The following RIMKLB variants were observed in gnomAD, a reference collection of about 807,000 sequenced individuals.
The protein encoded by RIMKLB is beta-citrylglutamate synthase B.
A neutral mutation model predicts 32.0 loss-of-function variants in RIMKLB; 7 were observed. The observed-to-expected ratio is 0.22, with a 90% CI of 0.12 to 0.41. RIMKLB has a LOEUF of 0.41. RIMKLB is among the 10% of genes least tolerant of loss of function. The probability of loss-of-function intolerance (pLI) is 1.00; values close to 1 mark genes in which losing one functional copy is unlikely to be tolerated. For missense variants in RIMKLB, 289 were observed against 498.7 expected (o/e 0.58, Z 4.00); for synonymous variants, 172 against 185.1 (o/e 0.93, Z 0.57).
At chr12:8,781,865 A>G (rs1158303542), downstream of RIMKLB, among the ~76,000 whole-genome samples, 6 of 152,044 alleles carry the variant, frequency 3.9e-5, no homozygotes, top group Non-Finnish European at 8.8e-5. Context: ...TAGAATGTAA[A>G]TGTCAATTAA....
At chr12:8,756,684 C>CTTTTTTTTTTTTTTTTTT (rs145312687) in intron 5 of RIMKLB, among the ~76,000 whole-genome samples, 1 of 90,964 alleles carries the variant, frequency 1.1e-5, no homozygotes, top group Non-Finnish European at 2.0e-5. Flanking sequence ...TTACTTTCTA[C>CTTTTTTTTTTTTTTTTTT]TTTTTTTTTT....
the RIMKLB span, among the ~76,000 whole-genome samples, chr12:8,670,959 G>A: frequency 1.3e-5 from 2 of 152,178 alleles, no homozygotes; most frequent in Non-Finnish European, 1.5e-5. Context: ...TCCACCCTCC[G>A]AAGCCACAGC....
At chr12:8,768,367 C>T (rs962102927) in intron 5 of RIMKLB, among the ~76,000 whole-genome samples, 1 of 151,956 alleles carries the variant, frequency 6.6e-6, no homozygotes, top group Non-Finnish European at 1.5e-5. Flanking sequence ...AAGCTCAGCT[C>T]GAGCCGTAAC....
At chr12:8,725,917 G>A (rs1945945287) in intron 2 of RIMKLB, among the ~76,000 whole-genome samples, 1 of 152,170 alleles carries the variant, frequency 6.6e-6, no homozygotes, top group East Asian at 1.9e-4. Flanking sequence ...GTGCGATCTT[G>A]GTTCACTGCA....
Position 8,775,340 on chromosome 12 carries a change from A to G in RIMKLB, c.*1556A>G. 2 of 985,408 alleles carry G rather than the reference A, an allele frequency of 2.0e-6. No homozygotes were observed. Among genetic ancestry groups the G allele is most frequent in the Non-Finnish European group, 2.4e-6 (2 of 829,884 alleles). 61.0% of individuals were successfully genotyped at this position (985,408 alleles called of 1,614,324 possible). A position where few individuals can be genotyped will look rare whatever the true frequency, so the allele number is the denominator to read the frequency against. ...ATTCCTTTACTTGCAGAATTTATAA[A>G]AGCCCCCAAACTGCATATAATATGA... On this transcript the variant is annotated 3_prime_UTR_variant, in exon 6 of 6. Coordinates refer to ENST00000535829, the MANE Select transcript of RIMKLB (RefSeq NM_001297776.2).
chr12:8,715,475 C>T (rs1375025499), intron 2 of RIMKLB, among the ~76,000 whole-genome samples: 1 of 152,096 alleles, frequency 6.6e-6, no homozygotes. Context: ...CCACCCACCT[C>T]GGCTTCCAAA....
downstream of RIMKLB, chr12:8,777,545 T>C: frequency 8.1e-7 from 1 of 1,239,094 alleles, no homozygotes; most frequent in Non-Finnish European, 1.0e-6. Context: ...ACATTGTTTT[T>C]AAAGAAATAT....
At chr12:8,699,869 G>GACAA (rs1943234654) in intron 1 of RIMKLB, 1 of 152,232 alleles carries the variant, frequency 6.6e-6, no homozygotes, top group African/African-American at 2.4e-5. Context: ...TTCAGTCACA[G>GACAA]ACAATCCTCC....
chr12:8,727,933 CATG>C (rs1946185725), intron 2 of RIMKLB, among the ~76,000 whole-genome samples: 1 of 151,712 alleles, frequency 6.6e-6, no homozygotes, highest in South Asian at 2.1e-4. Flanking sequence ...TTTTTGAACA[CATG>C]ATGAAATATA....
At chr12:8,688,824 G>A (rs763043466) in intron 1 of RIMKLB, among the ~76,000 whole-genome samples, 4 of 151,956 alleles carry the variant, frequency 2.6e-5, no homozygotes, top group African/African-American at 9.6e-5. Flanking sequence ...AGTGCATGAC[G>A]TATTTCTTTC....
intron 5 of RIMKLB, among the ~76,000 whole-genome samples, chr12:8,772,429 C>T (rs1454817180): frequency 6.6e-6 from 1 of 152,192 alleles, no homozygotes; most frequent in East Asian, 1.9e-4. Context: ...TTTGTTTTTA[C>T]ATCAGGGCTC....
chr12:8,772,966 C>CTG (rs1465916833), intron 5 of RIMKLB, among the ~76,000 whole-genome samples: 1 of 152,188 alleles, frequency 6.6e-6, no homozygotes. Context: ...ATCCTCCGTT[C>CTG]TGTTATGCAT....
upstream of RIMKLB, chr12:8,679,670 T>G (rs1048853880): frequency 7.9e-5 from 12 of 152,324 alleles, no homozygotes; most frequent in African/African-American, 2.9e-4. Context: ...GTCCAAGTGA[T>G]GCACGGCCTC....
intron 2 of RIMKLB, among the ~76,000 whole-genome samples, chr12:8,749,585 A>G (rs1056918979): frequency 7.2e-5 from 11 of 152,142 alleles, no homozygotes; most frequent in African/African-American, 2.7e-4. Context: ...ACTCAGCATT[A>G]TGTATCTGGG....
intron 5 of RIMKLB, among the ~76,000 whole-genome samples, chr12:8,766,412 T>C (rs1447574083): frequency 2.6e-5 from 4 of 152,124 alleles, no homozygotes; most frequent in African/African-American, 9.7e-5. Context: ...TTCCTGAGCA[T>C]TTCATAACAC....
intron 2 of RIMKLB, among the ~76,000 whole-genome samples, chr12:8,738,018 A>C (rs764675949): frequency 2.0e-5 from 3 of 152,024 alleles, no homozygotes; most frequent in Non-Finnish European, 4.4e-5. Context: ...CTGGCCCATG[A>C]ATTTTCTCTA....
rs751989687 is a variant in RIMKLB, at chr12:8,773,478, C to G, written c.855C>G (p.Ile285Met). 2 of 1,614,084 alleles carry G rather than the reference C, an allele frequency of 1.2e-6. No homozygotes were observed. Among genetic ancestry groups the G allele is most frequent in the South Asian group, 1.1e-5 (1 of 91,086 alleles). Residue 285 changes from isoleucine to methionine, a missense_variant, in exon 6 of 6, where the codon ATC becomes ATG. By Grantham distance (10) the Ile-to-Met change is conservative. Coordinates refer to ENST00000535829, the MANE Select transcript of RIMKLB (RefSeq NM_001297776.2). ...VCEANANVGF[I>M]AFDKACNLDV... The stretch of plus-strand genomic sequence containing the variant: ...AGGCCAATGCAAATGTAGGTTTCAT[C>G]GCCTTTGATAAGGCTTGTAATCTAG...
intron 1 of RIMKLB, among the ~76,000 whole-genome samples, chr12:8,684,778 G>A (rs1591592496): frequency 6.6e-6 from 1 of 151,952 alleles, no homozygotes; most frequent in African/African-American, 2.4e-5. Context: ...ATGCCACCAC[G>A]CCCAGCTAGT....
At chr12:8,767,164 C>G (rs1950037599) in intron 5 of RIMKLB, among the ~76,000 whole-genome samples, 1 of 152,242 alleles carries the variant, frequency 6.6e-6, no homozygotes, top group African/African-American at 2.4e-5. Context: ...TAAATTTACC[C>G]TGGCTTTTAA....
Sources: allele counts gnomAD v4.1 joint callset (sites outside exome capture counted in the v4.1 genomes callset), GRCh38; gene constraint gnomAD v4.1.1; transcripts MANE v1.5; gene names NCBI Gene and HGNC (gene_info 2026-07-23, HGNC 2026-07-21).